Variants in WNT3A observed in about 807,000 individuals in gnomAD.
WNT3A encodes the protein protein Wnt-3a.
Under a neutral mutation model 37.0 loss-of-function variants are expected in WNT3A, and 17 were observed. That is an observed-to-expected ratio of 0.46 (90% CI 0.31 to 0.69). WNT3A has a LOEUF of 0.69. Ranked by LOEUF, WNT3A falls within the 30% of genes least tolerant of loss-of-function variation. WNT3A has a pLI of 0.05. For missense variants in WNT3A, 411 were observed against 510.2 expected, an observed-to-expected ratio of 0.81 and a Z score of 1.87; for synonymous variants, 187 against 211.0, an observed-to-expected ratio of 0.89 and a Z score of 0.99.
At position 228,059,228 on chromosome 1, in the gene WNT3A, C is replaced by T. The variant is rs747055136; in HGVS notation, c.822C>T (p.Tyr274=). ...CCACGGAGCGCGACCTGGTCTACTA[C>T]GAGGCCTCGCCCAACTTCTGCGAGC... ...KVPTERDLVY[Y]EASPNFCEPN... The change falls in exon 4 of 4, where the codon TAC becomes TAT. Residue 274 remains tyrosine (Y), a synonymous_variant. Transcript: ENST00000284523. The T allele has an allele frequency of 5.0e-6, 8 of 1,610,628 alleles. No individual in the cohort carries two copies. Among genetic ancestry groups the T allele is most frequent in the Admixed American group, 1.7e-5 (1 of 59,934 alleles).
intron 2 of WNT3A, among the ~76,000 whole-genome samples, chr1:228,047,757 G>T (rs945545742): frequency 1.3e-5 from 2 of 152,288 alleles, no homozygotes; most frequent in Admixed American, 1.3e-4. Context: ...GGAAGGCAAA[G>T]GGGGAGCAGG....
At chr1:228,053,861 T>A (rs1489877184) in intron 3 of WNT3A, among the ~76,000 whole-genome samples, 2 of 152,212 alleles carry the variant, frequency 1.3e-5, no homozygotes, top group Non-Finnish European at 2.9e-5. Flanking sequence ...TTTGCACTTA[T>A]GACACATATA....
In WNT3A at chr1:228,055,213, T is replaced by C. The variant is rs1255599300; in HGVS notation, c.580-3773T>C. Among the ~76,000 whole-genome samples the C allele has an allele frequency of 4.2e-4, 42 of 100,886 alleles. 2 individuals carry two copies. Among genetic ancestry groups the C allele is most frequent in the East Asian group, 1.7e-3 (5 of 2,968 alleles). The allele number at this position is 100,886 out of a possible 152,430, so 66.2% of individuals were successfully genotyped here. A position where few individuals can be genotyped will look rare whatever the true frequency, so the allele number is the denominator to read the frequency against. On this transcript the variant is annotated intron_variant, in intron 3 of 3. Transcript: ENST00000284523. ...ATATATATATATATATATATATATA[T>C]ATATATACACACACACAATAGATTT... is the stretch of plus-strand genomic sequence containing the variant.
In WNT3A at chr1:228,058,966, C is replaced by T. The variant is rs768743394; in HGVS notation, c.580-20C>T. 1 of 1,594,642 alleles carries T rather than the reference C, an allele frequency of 6.3e-7. No individual in the cohort carries two copies. Among genetic ancestry groups the T allele is most frequent in the South Asian group, 1.1e-5 (1 of 89,192 alleles). ...CACCAGGGGGCCGCCCTGACGCTGG[C>T]TCCTGCGCGTGCCCCGCAGGCCATC... On this transcript the variant is annotated intron_variant, in intron 3 of 3. Coordinates refer to ENST00000284523, the MANE Select transcript of WNT3A (RefSeq NM_033131.4).
intron 2 of WNT3A, among the ~76,000 whole-genome samples, chr1:228,025,119 C>T (rs949756376): frequency 6.6e-6 from 1 of 151,748 alleles, no homozygotes. Context: ...TTGGGGGGGA[C>T]AGGAAAAAAG....
rs1266252085 is a variant in WNT3A at position 228,042,185 on chromosome 1, G to T, written c.314-8471G>T. Among the ~76,000 whole-genome samples, 1 of 152,120 alleles carries T rather than the reference G, an allele frequency of 6.6e-6. No homozygotes were observed. The highest frequency in any genetic ancestry group is 1.5e-5 in the Non-Finnish European group (1 of 68,034). On this transcript the variant is annotated intron_variant, in intron 2 of 3. Transcript: ENST00000284523. The surrounding 1 kb of genome is among the most constrained non-coding windows in gnomAD (Gnocchi z 5.2). ...GTAGAGACGGGGTTTCACCATGTTG[G>T]CCAGGATGGTCTCAATCTCTTGACC... is the stretch of plus-strand genomic sequence containing the variant.
At chr1:228,058,628 C>T (rs2031728011) in intron 3 of WNT3A, among the ~76,000 whole-genome samples, 1 of 152,254 alleles carries the variant, frequency 6.6e-6, no homozygotes, top group South Asian at 2.1e-4. Context: ...TCAGAAGGAA[C>T]GCCTATCCCC....
At chr1:228,021,948 G>A (rs1203756548) in intron 1 of WNT3A, among the ~76,000 whole-genome samples, 1 of 152,234 alleles carries the variant, frequency 6.6e-6, no homozygotes, top group East Asian at 1.9e-4. Context: ...GGAATGCGGG[G>A]CTGCATCATT....
rs1252086635 is a variant in WNT3A, at chr1:228,007,736, G to A, written c.71+537G>A. The stretch of plus-strand genomic sequence containing the variant: ...CGGCGGGGAGTGGCGCAGAGCCGGC[G>A]GCGGGGCGCACTGGGGGCCGGCCCT... On this transcript the variant is annotated intron_variant, in intron 1 of 3. Transcript: ENST00000284523. This position sits in a 1 kb window ranked among gnomAD's most constrained non-coding sequence, Gnocchi z 6.0. 6.6e-6 allele frequency among the ~76,000 whole-genome samples: 1 copy of A among 152,020 alleles called. No homozygotes were observed. The highest frequency in any genetic ancestry group is 1.5e-5 in the Non-Finnish European group (1 of 67,986).
intron 1 of WNT3A, among the ~76,000 whole-genome samples, chr1:228,016,260 AG>A (rs2102762266): frequency 6.6e-6 from 1 of 152,258 alleles, no homozygotes; most frequent in African/African-American, 2.4e-5. Context: ...GACTCAAGGA[AG>A]CCATAGAAGT....
rs141170201 is a variant in WNT3A at position 228,050,849 on chromosome 1, C to T, written c.507C>T (p.Phe169=). ...IEFGGMVSRE[F]ADARENRPDA... is the part of the protein sequence containing the mutation. ...TTGGTGGGATGGTGTCTCGGGAGTT[C>T]GCCGACGCCCGGGAGAACCGGCCAG... The change falls in exon 3 of 4, where the codon TTC becomes TTT. Residue 169 remains phenylalanine, a synonymous_variant. Transcript: ENST00000284523. This position sits in a 1 kb window ranked among gnomAD's most constrained non-coding sequence, Gnocchi z 5.0. The T allele has an allele frequency of 8.0e-5, 127 of 1,597,082 alleles. No homozygotes were observed. In the African/African-American group the frequency reaches 1.2e-3, roughly 15 times the overall value.
At chr1:228,036,248 G>A (rs2031139266) in intron 2 of WNT3A, among the ~76,000 whole-genome samples, 1 of 152,224 alleles carries the variant, frequency 6.6e-6, no homozygotes, top group Non-Finnish European at 1.5e-5. Context: ...GTGAAGAGAG[G>A]GGCCCAGCCT....
rs376115959 is a variant in WNT3A, at chr1:228,022,670, G to A, written c.75G>A (p.Ser25=). ...QALGSYPIWW[S]LAVGPQYSSL... ...CACCGGATCTTGCCCTCTGCAGGTC[G>A]CTGGCTGTTGGGCCACAGTATTCCT... The change falls in exon 2 of 4, where the codon TCG becomes TCA. Residue 25 remains serine (S), a synonymous_variant. Transcript: ENST00000284523. 9.3e-6 allele frequency: 15 copies of A among 1,610,880 alleles called. No individual in the cohort carries two copies. In the African/African-American group the frequency reaches 9.3e-5, roughly 10 times the overall value.
intron 3 of WNT3A, among the ~76,000 whole-genome samples, chr1:228,056,146 A>T (rs1163429527): frequency 1.3e-5 from 2 of 152,244 alleles, no homozygotes; most frequent in Non-Finnish European, 2.9e-5. Context: ...CTCTATAGAG[A>T]GGACCAAAGT....
At chr1:228,051,306 G>T (rs1334518025) in intron 3 of WNT3A, among the ~76,000 whole-genome samples, 2 of 152,112 alleles carry the variant, frequency 1.3e-5, no homozygotes, top group African/African-American at 4.8e-5. Context: ...TAATTTAGGG[G>T]GAGGGAGGCT....
rs938751022 is a variant in WNT3A, at chr1:228,028,806, T to C, written c.313+5898T>C. 5.3e-5 allele frequency among the ~76,000 whole-genome samples: 8 copies of C among 152,236 alleles called. No homozygotes were observed. The South Asian group carries it at 1.0e-3, about 20-fold the overall frequency. ...TTTGTTTGTGTAGTCTATGATTTTC[T>C]TCAGCGGGGTTGGCTGCAGGTTTTT... On this transcript the variant is annotated intron_variant, in intron 2 of 3. Coordinates refer to ENST00000284523, the MANE Select transcript of WNT3A (RefSeq NM_033131.4).
At position 228,059,845 on chromosome 1, in the gene WNT3A, T is replaced by C. The variant is rs2031763498; in HGVS notation, c.*380T>C. 2 of 1,061,040 alleles carry C rather than the reference T, an allele frequency of 1.9e-6. No homozygotes were observed. Among genetic ancestry groups the C allele is most frequent in the South Asian group, 3.3e-5 (1 of 30,014 alleles). The allele number at this position is 1,061,040 out of a possible 1,614,324, so 65.7% of individuals were successfully genotyped here. A position where few individuals can be genotyped will look rare whatever the true frequency, so the allele number is the denominator to read the frequency against. On this transcript the variant is annotated 3_prime_UTR_variant, in exon 4 of 4. Coordinates refer to ENST00000284523, the MANE Select transcript of WNT3A (RefSeq NM_033131.4). ...AGGCCCCTCCCAGTAAGGGCGTGGC[T>C]CTGGGTGGGCGGGGCACTAGGTAGG...
intron 2 of WNT3A, among the ~76,000 whole-genome samples, chr1:228,041,367 G>A (rs2031280905): frequency 1.3e-5 from 2 of 151,410 alleles, no homozygotes; most frequent in Non-Finnish European, 2.9e-5. Flanking sequence ...CACCTTCTCC[G>A]ACTTTATCCA....
intron 2 of WNT3A, among the ~76,000 whole-genome samples, chr1:228,036,494 C>A (rs1377015322): frequency 6.6e-6 from 1 of 152,156 alleles, no homozygotes; most frequent in Non-Finnish European, 1.5e-5. Flanking sequence ...GGGACTGGGG[C>A]CACCAGACTG....
Sources: gnomAD v4.1 joint callset for allele counts (sites outside exome capture counted in the v4.1 genomes callset) on GRCh38, gnomAD v4.1.1 for gene constraint, Gnocchi (gnomAD v3.1) non-coding constraint, MANE v1.5 for transcripts, NCBI Gene and HGNC (gene_info 2026-07-23, HGNC 2026-07-21) for gene names.